The following ERFL variants were observed in gnomAD, a reference collection of about 807,000 sequenced individuals.
ERFL encodes the protein ETS domain-containing transcription factor ERF-like.
In ERFL, 8 loss-of-function variants were observed where a neutral mutation model predicts 27.9. That is an observed-to-expected ratio of 0.29 (90% CI 0.17 to 0.52). The LOEUF (loss-of-function observed/expected upper bound fraction) is 0.52. Ranked by LOEUF, ERFL falls within the 20% of genes least tolerant of loss-of-function variation. The pLI is 0.97. For missense variants in ERFL, 294 were observed against 444.4 expected (o/e 0.66, Z 3.04); for synonymous variants, 174 against 202.8 (o/e 0.86, Z 1.21).
At chr19:41,918,366 CCACACACACCA>C (rs1352648117) in intron 1 of ERFL, among the ~76,000 whole-genome samples, 1 of 150,398 alleles carries the variant, frequency 6.6e-6, no homozygotes, top group African/African-American at 2.5e-5. Context: ...ACACACCATA[CCACACACACCA>C]CACATACACC....
In ERFL at chr19:41,909,204, C is replaced by T; in HGVS notation, c.499-27G>A. On this transcript the variant is annotated intron_variant, in intron 4 of 5. Transcript: ENST00000597630. This position sits in a 1 kb window ranked among gnomAD's most constrained non-coding sequence, Gnocchi z 5.2. Reference sequence around the variant, plus strand: ...TAGAGAGGGAGTGGGAGAAGCCGCCCTTCTCAGACTGTCCCCTCCCCAGAG... The same window carrying T: ...TAGAGAGGGAGTGGGAGAAGCCGCCTTTCTCAGACTGTCCCCTCCCCAGAG... The T allele has an allele frequency of 5.7e-6, 7 of 1,231,448 alleles. No homozygotes were observed. The highest frequency in any genetic ancestry group is 4.1e-5 in the South Asian group (1 of 24,328). The allele number at this position is 1,231,448 out of a possible 1,614,324, so 76.3% of individuals were successfully genotyped here. A position where few individuals can be genotyped will look rare whatever the true frequency, so the allele number is the denominator to read the frequency against.
rs1457873152 is a variant in ERFL at position 41,910,207 on chromosome 19, G to T, written c.68-110C>A. ...GCATGTAGTTCTCCTCCAGTCTCAG[G>T]CATCTTTAGGGACCTGGTTTCCACA... is the stretch of plus-strand genomic sequence containing the variant. On this transcript the variant is annotated intron_variant, in intron 2 of 5. Transcript: ENST00000597630. The surrounding 1 kb of genome is among the most constrained non-coding windows in gnomAD (Gnocchi z 4.4). 12 of 1,062,046 alleles carry T rather than the reference G, an allele frequency of 1.1e-5. No individual in the cohort carries two copies. Among genetic ancestry groups the T allele is most frequent in the Non-Finnish European group, 1.3e-5 (10 of 742,458 alleles). 65.8% of individuals were successfully genotyped at this position (1,062,046 alleles called of 1,614,324 possible). A position where few individuals can be genotyped will look rare whatever the true frequency, so the allele number is the denominator to read the frequency against.
Position 41,909,873 on chromosome 19 carries a change from G to A in ERFL, c.292C>T (p.Arg98Trp), listed in dbSNP as rs2094367305. The change falls in exon 3 of 6, where the codon CGG (arginine) becomes TGG (tryptophan). Residue 98 changes from arginine to tryptophan, a missense_variant. By Grantham distance (101) the Arg-to-Trp change is moderately radical. This residue lies in a region of ERFL where 246 missense variants were observed against 371.4 expected (regional missense o/e 0.66). Coordinates refer to ENST00000597630, the MANE Select transcript of ERFL (RefSeq NM_001365103.2). This position sits in a 1 kb window ranked among gnomAD's most constrained non-coding sequence, Gnocchi z 5.2. ...CAAGCCCTTCCTCACCGCAGGGCCCGGCTCAGCTTGTCGTAATTCATGTGG... is the reference window on the plus strand; with the variant it reads ...CAAGCCCTTCCTCACCGCAGGGCCCAGCTCAGCTTGTCGTAATTCATGTGG... Reference protein sequence around the residue: ...KPHMNYDKLSRALRYYYNKRI... With the variant: ...KPHMNYDKLSWALRYYYNKRI... 1 of 1,611,202 alleles carries A rather than the reference G, an allele frequency of 6.2e-7. No individual in the cohort carries two copies. Among genetic ancestry groups the A allele is most frequent in the Non-Finnish European group, 8.5e-7 (1 of 1,178,632 alleles).
intron 1 of ERFL, among the ~76,000 whole-genome samples, chr19:41,914,820 G>C (rs1369707887): frequency 1.5e-3 from 8 of 5,486 alleles, no homozygotes; most frequent in Admixed American, 1.8e-3. Context: ...CCTCCACCGT[G>C]TCTCCCCCCC....
At chr19:41,923,718 G>GCCCCAAACAGCTT in intron 1 of ERFL, among the ~76,000 whole-genome samples, 1 of 28,396 alleles carries the variant, frequency 3.5e-5, no homozygotes, top group East Asian at 5.7e-4. Context: ...GGCTGTGCTG[G>GCCCCAAACAGCTT]GGGGGTGTCT....
In ERFL at chr19:41,916,133, C is replaced by T. The variant is rs1318742506; in HGVS notation, c.-13-3201G>A. Among the ~76,000 whole-genome samples, 2 of 152,032 alleles carry T rather than the reference C, an allele frequency of 1.3e-5. No individual in the cohort carries two copies. Among genetic ancestry groups the T allele is most frequent in the Non-Finnish European group, 2.9e-5 (2 of 67,990 alleles). Reference sequence around the variant, plus strand: ...GGCGAGGGCCCTCCTCCCTTCTCTCCCTGCCAAGCACAACCACACAGACCC... The same window carrying T: ...GGCGAGGGCCCTCCTCCCTTCTCTCTCTGCCAAGCACAACCACACAGACCC... On this transcript the variant is annotated intron_variant, in intron 1 of 5. Coordinates refer to ENST00000597630, the MANE Select transcript of ERFL (RefSeq NM_001365103.2). The surrounding 1 kb of genome is among the most constrained non-coding windows in gnomAD (Gnocchi z 5.4).
At position 41,909,975 on chromosome 19, in the gene ERFL, G is replaced by T; in HGVS notation, c.190C>A (p.Gln64Lys). The T allele has an allele frequency of 3.1e-6, 5 of 1,613,846 alleles. No individual in the cohort carries two copies. The highest frequency in any genetic ancestry group is 4.2e-6 in the Non-Finnish European group (5 of 1,179,950). The change falls in exon 3 of 6, where the codon CAG (glutamine) becomes AAG (lysine). Residue 64 changes from glutamine to lysine, a missense_variant. Around this residue, in one of 3 missense-constraint regions of ERFL, gnomAD observed 246 missense variants for 371.4 expected, o/e 0.66. Transcript: ENST00000597630. The surrounding 1 kb of genome is among the most constrained non-coding windows in gnomAD (Gnocchi z 5.2). ...KEEYQGVIAW[Q>K]GDYGEFVIKD... Reference sequence around the variant, plus strand: ...ATGACGAATTCCCCGTAGTCCCCCTGCCAGGCTATGACGCCCTGGTACTCC... The same window carrying T: ...ATGACGAATTCCCCGTAGTCCCCCTTCCAGGCTATGACGCCCTGGTACTCC...
In ERFL at chr19:41,911,720, A is replaced by G. The variant is rs915485154; in HGVS notation, c.67+1133T>C. Among the ~76,000 whole-genome samples the G allele has an allele frequency of 2.6e-5, 4 of 152,046 alleles. No homozygotes were observed. In the South Asian group the frequency reaches 6.2e-4, roughly 24 times the overall value. On this transcript the variant is annotated intron_variant, in intron 2 of 5. Transcript: ENST00000597630. ...CAGAACACATCCTACTGGGGAGGCA[A>G]CTGTATCACAGACACACCCACAGGA...
At chr19:41,920,022 GCGCT>G (rs2074829446) in intron 1 of ERFL, among the ~76,000 whole-genome samples, 1 of 101,118 alleles carries the variant, frequency 9.9e-6, no homozygotes, top group African/African-American at 4.1e-5. Flanking sequence ...CAGACATGAC[GCGCT>G]CACAGACATG....
chr19:41,922,849 GC>G (rs1482112452), intron 1 of ERFL, among the ~76,000 whole-genome samples: 1 of 152,226 alleles, frequency 6.6e-6, no homozygotes, highest in African/African-American at 2.4e-5. Flanking sequence ...CCCGCGCACT[GC>G]CGCCGAGGCG....
Position 41,910,179 on chromosome 19 carries a change from G to T in ERFL, c.68-82C>A. 2 of 1,341,540 alleles carry T rather than the reference G, an allele frequency of 1.5e-6. No homozygotes were observed. The highest frequency in any genetic ancestry group is 2.3e-5 in the Admixed American group (1 of 43,262). 83.1% of individuals were successfully genotyped at this position (1,341,540 alleles called of 1,614,324 possible). A position where few individuals can be genotyped will look rare whatever the true frequency, so the allele number is the denominator to read the frequency against. On this transcript the variant is annotated intron_variant, in intron 2 of 5. Transcript: ENST00000597630. The surrounding 1 kb of genome is among the most constrained non-coding windows in gnomAD (Gnocchi z 4.4). ...GGTCCTGCTGGACTCAGTAACCTGG[G>T]AGGCATGTAGTTCTCCTCCAGTCTC...
Position 41,928,198 on chromosome 19 carries a change from C to G in ERFL, c.-172G>C, listed in dbSNP as rs1019942398. Reference sequence around the variant, plus strand: ...CCCGGGGAGGCAGAGACCCAGAGGACGAGGAGAGGGAGTCTCTGAGACGCC... The same window carrying G: ...CCCGGGGAGGCAGAGACCCAGAGGAGGAGGAGAGGGAGTCTCTGAGACGCC... On this transcript the variant is annotated 5_prime_UTR_variant, in exon 1 of 6. Transcript: ENST00000597630. The G allele has an allele frequency of 6.6e-6, 1 of 151,644 alleles. No homozygotes were observed. Among genetic ancestry groups the G allele is most frequent in the Non-Finnish European group, 1.5e-5 (1 of 67,940 alleles). The allele number at this position is 151,644 out of a possible 1,614,324, so 9.4% of individuals were successfully genotyped here. A position where few individuals can be genotyped will look rare whatever the true frequency, so the allele number is the denominator to read the frequency against.
At position 41,908,585 on chromosome 19, in the gene ERFL, C is replaced by T. The variant is rs541109321; in HGVS notation, c.708G>A (p.Thr236=). The T allele has an allele frequency of 8.9e-6, 11 of 1,231,580 alleles. No homozygotes were observed. Among genetic ancestry groups the T allele is most frequent in the Non-Finnish European group, 1.1e-5 (11 of 988,078 alleles). 76.3% of individuals were successfully genotyped at this position (1,231,580 alleles called of 1,614,324 possible). Reference sequence around the variant, plus strand: ...AGGGAGGCAGCTTGGGGAAGGGGCCCGTGAGGTACGGGTTAAAGTTCCAGG... The same window carrying T: ...AGGGAGGCAGCTTGGGGAAGGGGCCTGTGAGGTACGGGTTAAAGTTCCAGG... ...EYPWNFNPYL[T]GPFPKLPPSL... Residue 236 remains threonine (T), a synonymous_variant, in exon 6 of 6, where the codon ACG becomes ACA. Transcript: ENST00000597630. This position sits in a 1 kb window ranked among gnomAD's most constrained non-coding sequence, Gnocchi z 6.7.
intron 1 of ERFL, among the ~76,000 whole-genome samples, chr19:41,925,352 C>A (rs2145911932): frequency 6.6e-6 from 1 of 152,034 alleles, no homozygotes; most frequent in African/African-American, 2.4e-5. Flanking sequence ...ATAGAGAGTA[C>A]CTGAGGGACA....
At chr19:41,913,914 C>T (rs1284396660) in intron 1 of ERFL, among the ~76,000 whole-genome samples, 2 of 151,268 alleles carry the variant, frequency 1.3e-5, no homozygotes, top group South Asian at 2.1e-4. Flanking sequence ...CTGCCACCCT[C>T]ACACCCCACC....
Position 41,925,176 on chromosome 19 carries a change from G to A in ERFL, c.-14+2864C>T, listed in dbSNP as rs180786165. Reference sequence around the variant, plus strand: ...ATGCATAGTGGGTGTCGAAGCCTCGGTATCTGTTTGCTGATTAAATGATTT... The same window carrying A: ...ATGCATAGTGGGTGTCGAAGCCTCGATATCTGTTTGCTGATTAAATGATTT... On this transcript the variant is annotated intron_variant, in intron 1 of 5. Coordinates refer to ENST00000597630, the MANE Select transcript of ERFL (RefSeq NM_001365103.2). Among the ~76,000 whole-genome samples, 581 of 152,256 alleles carry A rather than the reference G, an allele frequency of 3.8e-3. 4 individuals are homozygous for A. Among genetic ancestry groups the A allele is most frequent in the African/African-American group, 0.013 (550 of 41,524 alleles).
rs932621610 is a variant in ERFL, at chr19:41,917,647, C to T, written c.-13-4715G>A. Among the ~76,000 whole-genome samples, 12 of 142,814 alleles carry T rather than the reference C, an allele frequency of 8.4e-5. No homozygotes were observed. The South Asian group carries it at 1.7e-3, about 20-fold the overall frequency. 93.7% of individuals were successfully genotyped at this position (142,814 alleles called of 152,430 possible). On this transcript the variant is annotated intron_variant, in intron 1 of 5. Coordinates refer to ENST00000597630, the MANE Select transcript of ERFL (RefSeq NM_001365103.2). The surrounding 1 kb of genome is among the most constrained non-coding windows in gnomAD (Gnocchi z 4.8). ...TGCACACACCATGCCCCAAAGCACA[C>T]GCACGCACGCACACACACACCCTGA...
chr19:41,909,714 C>A lies in ERFL; in HGVS notation c.302+149G>T, dbSNP rs1448522988. The A allele has an allele frequency of 7.1e-6, 7 of 982,672 alleles. No individual in the cohort carries two copies. Among genetic ancestry groups the A allele is most frequent in the Non-Finnish European group, 1.0e-5 (7 of 686,410 alleles). 60.9% of individuals were successfully genotyped at this position (982,672 alleles called of 1,614,324 possible). The stretch of plus-strand genomic sequence containing the variant: ...GGGGTCCCTCCTCCTCGCCTCCCTT[C>A]CACTCACAAGTAGCGATGGTGGCTA... On this transcript the variant is annotated intron_variant, in intron 3 of 5. Coordinates refer to ENST00000597630, the MANE Select transcript of ERFL (RefSeq NM_001365103.2). The surrounding 1 kb of genome is among the most constrained non-coding windows in gnomAD (Gnocchi z 5.2).
At chr19:41,920,827 G>A (rs1555852415) in intron 1 of ERFL, among the ~76,000 whole-genome samples, 3 of 152,352 alleles carry the variant, frequency 2.0e-5, no homozygotes, top group South Asian at 2.1e-4. Flanking sequence ...TGCTACCCTC[G>A]CTTGAGAGGT....
Sources: gnomAD v4.1 joint callset for allele counts (sites outside exome capture counted in the v4.1 genomes callset) on GRCh38, gnomAD v4.1.1 for gene constraint, gnomAD v4.1.1 regional missense constraint, Gnocchi (gnomAD v3.1) non-coding constraint, MANE v1.5 for transcripts, NCBI Gene and HGNC (gene_info 2026-07-23, HGNC 2026-07-21) for gene names.